CLN6: variants seen among roughly 807,000 people sequenced by gnomAD.
The protein encoded by CLN6 is CLN6 transmembrane ER protein, also known as ceroid-lipofuscinosis neuronal protein 6.
A neutral mutation model predicts 33.3 loss-of-function variants in CLN6; 22 were observed. That is an observed-to-expected ratio of 0.66 (90% CI 0.47 to 0.94). The LOEUF (loss-of-function observed/expected upper bound fraction) is 0.94, where lower values mean the gene tolerates loss of function less well. Ranked by LOEUF, CLN6 falls within the 40% of genes least tolerant of loss-of-function variation. CLN6 has a pLI of 0.00. For missense variants in CLN6, 387 were observed against 417.1 expected (o/e 0.93, Z 0.63); for synonymous variants, 201 against 174.6 (o/e 1.15, Z -1.19).
intron 1 of CLN6, chr15:68,248,324 A>C (rs1217876429): frequency 6.6e-6 from 1 of 152,008 alleles, no homozygotes; most frequent in Non-Finnish European, 1.5e-5. Context: ...CCATACACAA[A>C]AATCAAATCA....
chr15:68,251,964 A>T, intron 1 of CLN6, among the ~76,000 whole-genome samples: 1 of 144,416 alleles, frequency 6.9e-6, no homozygotes. Flanking sequence ...TGTATGTGTG[A>T]ATCTTTTTTT....
intron 1 of CLN6, among the ~76,000 whole-genome samples, chr15:68,249,350 T>C (rs1259263551): frequency 2.0e-5 from 3 of 152,214 alleles, no homozygotes; most frequent in African/African-American, 7.2e-5. Flanking sequence ...GAAATTGATA[T>C]ATTGAAGAGA....
rs1259423515 is a variant in CLN6 at position 68,256,595 on chromosome 15, T to C, written c.179+95A>G. 13 of 565,814 alleles carry C rather than the reference T, an allele frequency of 2.3e-5. No homozygotes were observed. Among genetic ancestry groups the C allele is most frequent in the African/African-American group, 1.5e-4 (8 of 53,470 alleles). The allele number at this position is 565,814 out of a possible 1,614,324, so 35.0% of individuals were successfully genotyped here. On this transcript the variant is annotated intron_variant, in intron 1 of 6. Transcript: ENST00000538696. This position sits in a 1 kb window ranked among gnomAD's most constrained non-coding sequence, Gnocchi z 4.1. ...TGGGATCCCCACACACGTGGCTGGCTTCAGGGGTGTGGGCAGTGCAGTCGC... is the reference window on the plus strand; with the variant it reads ...TGGGATCCCCACACACGTGGCTGGCCTCAGGGGTGTGGGCAGTGCAGTCGC...
At position 68,243,802 on chromosome 15, in the gene CLN6, G is replaced by A. The variant is rs539929440; in HGVS notation, c.179+12888C>T. 1.6e-4 allele frequency among the ~76,000 whole-genome samples: 24 copies of A among 150,944 alleles called. No homozygotes were observed. In the South Asian group the frequency reaches 3.8e-3, roughly 24 times the overall value. ...AAAAAGGATGGGCATGGTGGCTCACGCCTGTAATCCCAGCACTTTGGGAGG... is the reference window on the plus strand; with the variant it reads ...AAAAAGGATGGGCATGGTGGCTCACACCTGTAATCCCAGCACTTTGGGAGG... On this transcript the variant is annotated intron_variant, in intron 1 of 6. Coordinates refer to the CLN6 transcript ENST00000538696.
chr15:68,232,119 G>T (rs1280095742), upstream of CLN6, among the ~76,000 whole-genome samples: 1 of 151,402 alleles, frequency 6.6e-6, no homozygotes, highest in Non-Finnish European at 1.5e-5. This position sits in a 1 kb window ranked among gnomAD's most constrained non-coding sequence, Gnocchi z 4.7. Context: ...TTTTCTTTTA[G>T]TAGAGGTTCC....
intron 1 of CLN6, among the ~76,000 whole-genome samples, chr15:68,223,109 C>G (rs1364725252): frequency 6.6e-6 from 1 of 151,312 alleles, no homozygotes; most frequent in Non-Finnish European, 1.5e-5. Flanking sequence ...GAGAAACACC[C>G]AAGAATGATC....
chr15:68,239,464 A>G (rs1412165665), intron 1 of CLN6, among the ~76,000 whole-genome samples: 1 of 152,172 alleles, frequency 6.6e-6, no homozygotes, highest in African/African-American at 2.4e-5. Flanking sequence ...AAGTTAAAAG[A>G]AAGTTGGTGT....
chr15:68,249,593 C>T (rs1160994574), intron 1 of CLN6, among the ~76,000 whole-genome samples: 1 of 151,672 alleles, frequency 6.6e-6, no homozygotes, highest in African/African-American at 2.4e-5. Flanking sequence ...ATCTCATGTT[C>T]TCACTCACAT....
upstream of CLN6, chr15:68,229,821 G>A (rs1220471925): frequency 6.6e-6 from 2 of 300,910 alleles, no homozygotes; most frequent in African/African-American, 4.5e-5. Context: ...CGCTAGGGGA[G>A]GGCCGGGCGC....
At position 68,242,571 on chromosome 15, in the gene CLN6, A is replaced by G. The variant is rs1456900637; in HGVS notation, c.179+14119T>C. On this transcript the variant is annotated intron_variant, in intron 1 of 6. Coordinates refer to the CLN6 transcript ENST00000538696. This position sits in a 1 kb window ranked among gnomAD's most constrained non-coding sequence, Gnocchi z 5.0. ...AAATAAATAAATAAATAAGGAAAAG[A>G]AAAATAAGTGCTTAAATAAAATATT... Among the ~76,000 whole-genome samples the G allele has an allele frequency of 6.6e-6, 1 of 152,188 alleles. No individual in the cohort carries two copies. Among genetic ancestry groups the G allele is most frequent in the Non-Finnish European group, 1.5e-5 (1 of 68,026 alleles).
rs776974644 is a variant in CLN6, at chr15:68,214,357, T to C, written c.230A>G (p.Asn77Ser). Residue 77 changes from asparagine (N) to serine (S), a missense_variant, in exon 3 of 7, where the codon AAC becomes AGC. Asn to Ser is a conservative substitution (Grantham distance 46). Coordinates refer to ENST00000249806, the MANE Select transcript of CLN6 (RefSeq NM_017882.3). ...GAAGTAGTCCCCAACACTGGGCTTG[T>C]TGAGTGGAAACCACTCGAGAGGGAA... ...LVFPLEWFPL[N>S]KPSVGDYFHM... 6.2e-7 allele frequency: 1 copy of C among 1,614,080 alleles called. No homozygotes were observed. The highest frequency in any genetic ancestry group is 8.5e-7 in the Non-Finnish European group (1 of 1,179,912).
intron 2 of CLN6, among the ~76,000 whole-genome samples, chr15:68,217,847 T>TTTA (rs1235492593): frequency 6.6e-5 from 10 of 151,786 alleles, no homozygotes; most frequent in African/African-American, 1.7e-4. Flanking sequence ...CGTTCGTCTA[T>TTTA]TTATTATCTA....
At position 68,209,911 on chromosome 15, in the gene CLN6, T is replaced by G; in HGVS notation, c.543-152A>C. 9.3e-7 allele frequency: 1 copy of G among 1,077,898 alleles called. No homozygotes were observed. The highest frequency in any genetic ancestry group is 1.4e-6 in the Non-Finnish European group (1 of 726,330). The allele number at this position is 1,077,898 out of a possible 1,614,324, so 66.8% of individuals were successfully genotyped here. The stretch of plus-strand genomic sequence containing the variant: ...AGAGGCGCTCCTCTCCACCCAACCT[T>G]GCCTGTGCTGGGCGTCAAAGGTGGG... On this transcript the variant is annotated intron_variant, in intron 5 of 6. Transcript: ENST00000249806. The surrounding 1 kb of genome is among the most constrained non-coding windows in gnomAD (Gnocchi z 4.9).
At chr15:68,249,510 C>T (rs771502042) in intron 1 of CLN6, among the ~76,000 whole-genome samples, 1 of 152,228 alleles carries the variant, frequency 6.6e-6, no homozygotes, top group Non-Finnish European at 1.5e-5. Context: ...GAATGAAACT[C>T]TGTCATTGTA....
chr15:68,244,369 A>G (rs988859443), intron 1 of CLN6, among the ~76,000 whole-genome samples: 2 of 152,074 alleles, frequency 1.3e-5, no homozygotes, highest in African/African-American at 4.8e-5. Context: ...CAAGACTTCA[A>G]CAGAAACCAT....
intron 2 of CLN6, among the ~76,000 whole-genome samples, chr15:68,216,384 C>A (rs1408014306): frequency 3.3e-5 from 5 of 152,152 alleles, no homozygotes; most frequent in Non-Finnish European, 5.9e-5. Flanking sequence ...CAACCAGATG[C>A]CCCAACTCTT....
chr15:68,249,643 G>A (rs575688317), intron 1 of CLN6, among the ~76,000 whole-genome samples: 21 of 152,282 alleles, frequency 1.4e-4, no homozygotes, highest in African/African-American at 4.6e-4. Flanking sequence ...ATAGAGAGTA[G>A]ATTGACAGTA....
At position 68,209,905 on chromosome 15, in the gene CLN6, C is replaced by A. The variant is rs1700687822; in HGVS notation, c.543-146G>T. On this transcript the variant is annotated intron_variant, in intron 5 of 6. Coordinates refer to ENST00000249806, the MANE Select transcript of CLN6 (RefSeq NM_017882.3). The surrounding 1 kb of genome is among the most constrained non-coding windows in gnomAD (Gnocchi z 4.9). ...TGGGTGAGAGGCGCTCCTCTCCACCCAACCTTGCCTGTGCTGGGCGTCAAA... is the reference window on the plus strand; with the variant it reads ...TGGGTGAGAGGCGCTCCTCTCCACCAAACCTTGCCTGTGCTGGGCGTCAAA... The A allele has an allele frequency of 8.9e-7, 1 of 1,124,936 alleles. No homozygotes were observed. Among genetic ancestry groups the A allele is most frequent in the South Asian group, 1.3e-5 (1 of 79,064 alleles). 69.7% of individuals were successfully genotyped at this position (1,124,936 alleles called of 1,614,324 possible).
At chr15:68,224,340 G>A (rs116992970) in intron 1 of CLN6, among the ~76,000 whole-genome samples, 50 of 141,890 alleles carry the variant, frequency 3.5e-4, no homozygotes, top group Admixed American at 1.4e-3. Flanking sequence ...ATCAAGATTA[G>A]ACTGGGCACA....
Sources: gnomAD v4.1 joint callset for allele counts (sites outside exome capture counted in the v4.1 genomes callset) on GRCh38, gnomAD v4.1.1 for gene constraint, Gnocchi (gnomAD v3.1) non-coding constraint, MANE v1.5 for transcripts, NCBI Gene and HGNC (gene_info 2026-07-23, HGNC 2026-07-21) for gene names.